The following PATJ variants were observed in gnomAD, a reference collection of about 807,000 sequenced individuals.
PATJ encodes PATJ crumbs cell polarity complex component.
PATJ carries 190 observed loss-of-function variants against 224.9 expected under a neutral mutation model. That is an observed-to-expected ratio of 0.84 (90% confidence interval 0.75 to 0.95). PATJ has a LOEUF of 0.95. PATJ is among the 40% of genes least tolerant of loss of function. The probability of loss-of-function intolerance (pLI) is 0.00; values close to 1 mark genes in which losing one functional copy is unlikely to be tolerated. For missense variants in PATJ, 2,121 were observed against 2,270.3 expected (o/e 0.93, Z 1.34); for synonymous variants, 769 against 820.3 (o/e 0.94, Z 1.07).
intron 19 of PATJ, among the ~76,000 whole-genome samples, chr1:61,862,701 T>C (rs1664803938): frequency 1.3e-5 from 2 of 152,182 alleles, no homozygotes; most frequent in African/African-American, 4.8e-5. Flanking sequence ...TTGAATACTT[T>C]CTAAAGAAGA....
chr1:61,912,649 GAGGGAGGGAAGGA>G (rs1337148004), intron 25 of PATJ, among the ~76,000 whole-genome samples: 7 of 138,236 alleles, frequency 5.1e-5, no homozygotes, highest in African/African-American at 8.0e-5. Context: ...AAGAGAGAGA[GAGGGAGGGAAGGA>G]AGGGAGGGAG....
intron 38 of PATJ, among the ~76,000 whole-genome samples, chr1:62,121,969 T>C (rs1419795082): frequency 6.7e-6 from 1 of 149,898 alleles, no homozygotes; most frequent in African/African-American, 2.5e-5. Flanking sequence ...AAAAAAAAAG[T>C]GTGTATATCC....
Position 61,856,199 on chromosome 1 carries a change from C to T in PATJ, c.2282C>T (p.Pro761Leu), listed in dbSNP as rs1663633371. ...AEAVEILKAV[P>L]PGLVHLGICK... ...GCTGTGGAAATATTGAAAGCTGTGCCACCAGGCCTAGTACACCTTGGCATC... is the reference window on the plus strand; with the variant it reads ...GCTGTGGAAATATTGAAAGCTGTGCTACCAGGCCTAGTACACCTTGGCATC... Residue 761 changes from proline to leucine, a missense_variant, in exon 18 of 44, where the codon CCA becomes CTA. Transcript: ENST00000642238. 1.2e-6 allele frequency: 2 copies of T among 1,614,154 alleles called. No individual in the cohort carries two copies. The highest frequency in any genetic ancestry group is 1.7e-6 in the Non-Finnish European group (2 of 1,180,014).
chr1:62,123,054 AC>A lies in PATJ; in HGVS notation c.5040del (p.Asn1680LysfsTer20). The A allele has an allele frequency of 1.9e-6, 3 of 1,596,196 alleles. No homozygotes were observed. The highest frequency in any genetic ancestry group is 1.7e-6 in the Non-Finnish European group (2 of 1,168,852). ...ATGGAACCAAGGACTGTTGAGATAAACAGGGTAAGTCAGTCATTTTGCTGTA... is the reference window on the plus strand; with the variant it reads ...ATGGAACCAAGGACTGTTGAGATAAAAGGGTAAGTCAGTCATTTTGCTGTA... The part of the protein sequence containing the change: ...TDMEPRTVEI[N>X]RELSDALGIS... On this transcript the variant is annotated frameshift_variant, in exon 39 of 44. Coordinates refer to ENST00000642238, the MANE Select transcript of PATJ (RefSeq NM_001350145.3). LOFTEE classifies it high-confidence loss of function.
chr1:61,868,850 C>T (rs72674691), intron 20 of PATJ, among the ~76,000 whole-genome samples: 4,896 of 152,186 alleles, frequency 0.032, 123 homozygotes, highest in Non-Finnish European at 0.046. Context: ...AAAACTTCTC[C>T]TCTACCCTCT....
chr1:62,036,454 C>A (rs1383502076), intron 29 of PATJ, among the ~76,000 whole-genome samples: 2 of 152,016 alleles, frequency 1.3e-5, no homozygotes, highest in Non-Finnish European at 2.9e-5. Context: ...GGCTGTGGAA[C>A]CATATGGTGA....
At chr1:62,112,982 T>C (rs1477267095) in intron 34 of PATJ, among the ~76,000 whole-genome samples, 1 of 152,200 alleles carries the variant, frequency 6.6e-6, no homozygotes, top group Non-Finnish European at 1.5e-5. Flanking sequence ...CTCAGTTTCC[T>C]CCTCTATGAA....
At chr1:62,014,312 T>TC (rs1439563993) in intron 28 of PATJ, among the ~76,000 whole-genome samples, 1 of 151,890 alleles carries the variant, frequency 6.6e-6, no homozygotes, top group African/African-American at 2.4e-5. Context: ...TGTCTCAGCC[T>TC]CCCAAAGCTC....
At position 62,158,536 on chromosome 1, in the gene PATJ, G is replaced by A. The variant is rs184527541; in HGVS notation, c.5503-2372G>A. Among the ~76,000 whole-genome samples, 841 of 148,216 alleles carry A rather than the reference G, an allele frequency of 5.7e-3. 67 individuals carry two copies. The highest frequency in any genetic ancestry group is 9.6e-3 in the Non-Finnish European group (641 of 66,684). ...AGATTGAGACCATCCTGGCTAACAC[G>A]GTAAAAAACTCCGTCTCTACTAAAA... On this transcript the variant is annotated intron_variant, in intron 43 of 43. Transcript: ENST00000642238.
chr1:61,788,117 G>T, intron 8 of PATJ, 145 bp downstream of exon 8: 1 of 610,212 alleles, frequency 1.6e-6, no homozygotes. Context: ...CTTATTGGGA[G>T]ACATTAGACA....
chr1:62,076,156 A>G (rs892502775), intron 31 of PATJ, among the ~76,000 whole-genome samples: 4 of 152,138 alleles, frequency 2.6e-5, no homozygotes, highest in Non-Finnish European at 5.9e-5. Flanking sequence ...ACATCGTTTA[A>G]AGTTAAACCA....
chr1:61,846,567 G>A (rs914813456), intron 17 of PATJ, among the ~76,000 whole-genome samples: 1 of 152,086 alleles, frequency 6.6e-6, no homozygotes, highest in African/African-American at 2.4e-5. Flanking sequence ...TAGTTTAGTA[G>A]TGTTAAGTAT....
At chr1:62,079,896 C>T (rs147756096) in intron 32 of PATJ, among the ~76,000 whole-genome samples, 2,405 of 151,940 alleles carry the variant, frequency 0.016, 65 homozygotes, top group African/African-American at 0.054. Flanking sequence ...GGCATGGTGG[C>T]GCATGCCTGT....
chr1:61,823,545 C>G (rs1657666124), intron 15 of PATJ, among the ~76,000 whole-genome samples: 1 of 152,200 alleles, frequency 6.6e-6, no homozygotes, highest in Admixed American at 6.5e-5. Context: ...TTAATCAAAG[C>G]AGTTCTAGAG....
intron 7 of PATJ, among the ~76,000 whole-genome samples, chr1:61,776,416 G>A (rs926080684): frequency 4.6e-5 from 7 of 152,034 alleles, no homozygotes; most frequent in Middle Eastern, 3.2e-3. Context: ...GCCACAAACC[G>A]TTATAGTAAT....
chr1:62,137,794 C>G (rs946974813), intron 41 of PATJ, among the ~76,000 whole-genome samples: 1 of 152,000 alleles, frequency 6.6e-6, no homozygotes, highest in African/African-American at 2.4e-5. Context: ...CTGCAGCCTC[C>G]CCGTCCTCTG....
At chr1:61,810,181 G>A (rs1654428953) in intron 14 of PATJ, among the ~76,000 whole-genome samples, 1 of 152,076 alleles carries the variant, frequency 6.6e-6, no homozygotes, top group Admixed American at 6.6e-5. Context: ...ACACTTGAGA[G>A]TCTTTCTTCC....
rs117405402 is a variant in PATJ, at chr1:61,797,377, C to T, written c.1351C>T (p.Arg451Ter). Residue 451 changes from arginine to a stop codon, truncating the protein, a stop_gained, in exon 11 of 44, where the codon CGA (arginine) becomes TGA (stop). Transcript: ENST00000642238. LOFTEE classifies it high-confidence loss of function. Reference sequence around the variant, plus strand: ...GCAGGTGGTACACCTAACCCTAGTTCGAAGGAAGACATCCTCATCTACTTC... The same window carrying T: ...GCAGGTGGTACACCTAACCCTAGTTTGAAGGAAGACATCCTCATCTACTTC... ...AGQVVHLTLV[R>*]RKTSSSTSPL... 8 of 1,613,704 alleles carry T rather than the reference C, an allele frequency of 5.0e-6. No individual in the cohort carries two copies. The highest frequency in any genetic ancestry group is 1.7e-5 in the Admixed American group (1 of 59,984).
intron 27 of PATJ, among the ~76,000 whole-genome samples, chr1:61,978,115 C>A (rs1644243469): frequency 6.6e-6 from 1 of 151,706 alleles, no homozygotes; most frequent in Non-Finnish European, 1.5e-5. Context: ...TTCTTATTTT[C>A]TCTATTTGTT....
Sources: allele counts gnomAD v4.1 joint callset (sites outside exome capture counted in the v4.1 genomes callset), GRCh38; gene constraint gnomAD v4.1.1; transcripts MANE v1.5; gene names NCBI Gene and HGNC (gene_info 2026-07-23, HGNC 2026-07-21).